Variants in CAGE1 observed in about 807,000 individuals in gnomAD.
The protein encoded by CAGE1 is cancer antigen 1, also known as cancer-associated gene 1 protein.
CAGE1 carries 66 observed loss-of-function variants against 94.9 expected under a neutral mutation model. The ratio of observed to expected loss-of-function variants is 0.70; its 90% CI spans 0.57 to 0.85. The LOEUF (loss-of-function observed/expected upper bound fraction) is 0.85. Ranked by LOEUF, CAGE1 falls within the 40% of genes least tolerant of loss-of-function variation. The pLI, the probability that CAGE1 is intolerant of heterozygous loss-of-function variation, is 0.00. For synonymous variants in CAGE1, 319 were observed against 321.0 expected (o/e 0.99, Z 0.07); for missense variants, 865 against 950.4 (o/e 0.91, Z 1.18).
At chr6:7,351,635 A>G (rs1177897551) in intron 11 of CAGE1, among the ~76,000 whole-genome samples, 1 of 151,958 alleles carries the variant, frequency 6.6e-6, no homozygotes, top group African/African-American at 2.4e-5. Flanking sequence ...CTCCTTAACA[A>G]AATACTAGCT....
chr6:7,328,473 T>C (rs1381626924), intron 13 of CAGE1, among the ~76,000 whole-genome samples: 1 of 151,966 alleles, frequency 6.6e-6, no homozygotes, highest in Non-Finnish European at 1.5e-5. Flanking sequence ...GGGAACTGAG[T>C]AACTGAGAGA....
intron 11 of CAGE1, among the ~76,000 whole-genome samples, chr6:7,350,094 G>A (rs577567729): frequency 4.8e-4 from 73 of 152,212 alleles, no homozygotes; most frequent in African/African-American, 1.6e-3. Flanking sequence ...CACCAAAAGC[G>A]AGCAGGGGTA....
At chr6:7,370,868 G>T (rs966293588) in intron 5 of CAGE1, among the ~76,000 whole-genome samples, 1 of 152,056 alleles carries the variant, frequency 6.6e-6, no homozygotes, top group Non-Finnish European at 1.5e-5. Context: ...AAATACTTTT[G>T]ACTTCACAGA....
intron 11 of CAGE1, among the ~76,000 whole-genome samples, chr6:7,346,692 G>GAA (rs66469922): frequency 4.0e-5 from 6 of 150,372 alleles, no homozygotes; most frequent in African/African-American, 1.5e-4. Context: ...ACTGAAAAAA[G>GAA]AAAAAAAAAT....
At chr6:7,367,725 A>G (rs1238441836) in intron 7 of CAGE1, among the ~76,000 whole-genome samples, 1 of 152,154 alleles carries the variant, frequency 6.6e-6, no homozygotes, top group Admixed American at 6.5e-5. Flanking sequence ...TCTTCAGGAT[A>G]CCCGCAACAC....
chr6:7,381,847 CTT>C (rs1218001192), intron 3 of CAGE1, among the ~76,000 whole-genome samples: 1 of 139,206 alleles, frequency 7.2e-6, no homozygotes, highest in Admixed American at 7.2e-5. Context: ...GTGCCTTTTT[CTT>C]TTTTTTTTTG....
At position 7,326,754 on chromosome 6, in the gene CAGE1, A is replaced by C; in HGVS notation, c.*104T>G. 2.4e-6 allele frequency: 2 copies of C among 828,526 alleles called. No individual in the cohort carries two copies. Among genetic ancestry groups the C allele is most frequent in the South Asian group, 2.9e-5 (2 of 69,786 alleles). The allele number at this position is 828,526 out of a possible 1,614,324, so 51.3% of individuals were successfully genotyped here. ...ATGTAAGACTTTACCCTTTATACAG[A>C]TTTTAATATATCATCTGCATGGATT... On this transcript the variant is annotated 3_prime_UTR_variant, in exon 14 of 14. Coordinates refer to ENST00000502583, the MANE Select transcript of CAGE1 (RefSeq NM_001170692.2).
chr6:7,334,725 CA>C (rs58790989), intron 11 of CAGE1, among the ~76,000 whole-genome samples: 1,035 of 67,856 alleles, frequency 0.015, 6 homozygotes, highest in Admixed American at 0.024. Context: ...GACTCTCTCT[CA>C]AAAAAAAAAA....
intron 2 of CAGE1, among the ~76,000 whole-genome samples, chr6:7,386,134 TA>T (rs1276368343): frequency 6.6e-6 from 1 of 152,218 alleles, no homozygotes; most frequent in Non-Finnish European, 1.5e-5. Context: ...CATGTGACTA[TA>T]AACTTAGGGA....
At position 7,389,737 on chromosome 6, in the gene CAGE1, A is replaced by C. The variant is rs1454590606; in HGVS notation, c.-559T>G. 5.3e-6 allele frequency: 3 copies of C among 566,418 alleles called. No homozygotes were observed. Among genetic ancestry groups the C allele is most frequent in the East Asian group, 3.0e-5 (1 of 33,758 alleles). The allele number at this position is 566,418 out of a possible 1,614,324, so 35.1% of individuals were successfully genotyped here. Reference sequence around the variant, plus strand: ...GCCCTATACAGCGCGCCATCCAGAGAGCTCCGGACTCCCAGCTCGGCGCAG... The same window carrying C: ...GCCCTATACAGCGCGCCATCCAGAGCGCTCCGGACTCCCAGCTCGGCGCAG... On this transcript the variant is annotated 5_prime_UTR_variant, in exon 1 of 14. Coordinates refer to ENST00000502583, the MANE Select transcript of CAGE1 (RefSeq NM_001170692.2).
chr6:7,360,991 T>C (rs1760145837), intron 9 of CAGE1, among the ~76,000 whole-genome samples: 1 of 151,954 alleles, frequency 6.6e-6, no homozygotes, highest in Non-Finnish European at 1.5e-5. Context: ...AACTAAACAT[T>C]AAGCCAGAAT....
In CAGE1 at chr6:7,389,270, A is replaced by G; in HGVS notation, c.-92T>C. ...GAGACACCAAACTTTTTAAGACACA[A>G]AAGTGTGCTCACTTCCAGGATCCAT... On this transcript the variant is annotated 5_prime_UTR_variant, in exon 1 of 14. Coordinates refer to ENST00000502583, the MANE Select transcript of CAGE1 (RefSeq NM_001170692.2). The G allele has an allele frequency of 4.4e-6, 2 of 456,264 alleles. No individual in the cohort carries two copies. Among genetic ancestry groups the G allele is most frequent in the Admixed American group, 2.3e-5 (1 of 42,584 alleles). 28.3% of individuals were successfully genotyped at this position (456,264 alleles called of 1,614,324 possible). A position where few individuals can be genotyped will look rare whatever the true frequency, so the allele number is the denominator to read the frequency against.
chr6:7,329,870 AT>A lies in CAGE1; in HGVS notation c.2456del (p.Asn819IlefsTer6). 1 of 1,461,834 alleles carries A rather than the reference AT, an allele frequency of 6.8e-7. No individual in the cohort carries two copies. The highest frequency in any genetic ancestry group is 9.5e-7 in the Non-Finnish European group (1 of 1,053,934). 90.6% of individuals were successfully genotyped at this position (1,461,834 alleles called of 1,614,324 possible). ...ARKPRSKSLE[N>X]HPKSMTMMPA... Reference sequence around the variant, plus strand: ...CTACCATGGTCATGGACTTCGGATGATTTTCTAAGCTTTTTGATCTGTAAGA... The same window carrying A: ...CTACCATGGTCATGGACTTCGGATGATTTCTAAGCTTTTTGATCTGTAAGA... On this transcript the variant is annotated frameshift_variant, in exon 13 of 14. Coordinates refer to ENST00000502583, the MANE Select transcript of CAGE1 (RefSeq NM_001170692.2). LOFTEE classifies it high-confidence loss of function.
chr6:7,336,634 C>T (rs138110890), intron 11 of CAGE1, among the ~76,000 whole-genome samples: 6 of 152,212 alleles, frequency 3.9e-5, no homozygotes, highest in East Asian at 1.9e-4. Flanking sequence ...CTCAGCTTCC[C>T]GAATAGCTGG....
chr6:7,368,505 A>G (rs529917934), intron 7 of CAGE1, among the ~76,000 whole-genome samples, 183 bp downstream of exon 7: 2 of 152,138 alleles, frequency 1.3e-5, no homozygotes, highest in Non-Finnish European at 2.9e-5. Flanking sequence ...CATACAGACA[A>G]ACAATAAAAC....
chr6:7,344,475 C>CA (rs755962727), intron 11 of CAGE1, among the ~76,000 whole-genome samples: 16 of 152,256 alleles, frequency 1.1e-4, no homozygotes, highest in Non-Finnish European at 2.2e-4. Context: ...TCGGGACCTA[C>CA]AGCCCGCCAT....
Position 7,378,851 on chromosome 6 carries a change from T to G in CAGE1, c.453A>C (p.Ala151=), listed in dbSNP as rs1255237754. The G allele has an allele frequency of 6.2e-7, 1 of 1,612,630 alleles. No homozygotes were observed. The highest frequency in any genetic ancestry group is 8.5e-7 in the Non-Finnish European group (1 of 1,179,120). ...AGTCTTGCTTTATATTGTTGTCTTTTGCATAATTATACACTTGACTTTGAA... is the reference window on the plus strand; with the variant it reads ...AGTCTTGCTTTATATTGTTGTCTTTGGCATAATTATACACTTGACTTTGAA... ...PEFQSQVYNY[A]KDNNIKQDSF... The change falls in exon 4 of 14, where the codon GCA becomes GCC. Residue 151 remains alanine, a synonymous_variant. Coordinates refer to ENST00000502583, the MANE Select transcript of CAGE1 (RefSeq NM_001170692.2).
chr6:7,344,006 A>G (rs1289050952), intron 11 of CAGE1, among the ~76,000 whole-genome samples: 1 of 152,242 alleles, frequency 6.6e-6, no homozygotes, highest in Non-Finnish European at 1.5e-5. Context: ...TCTGAAACAG[A>G]CAGATCTGGA....
chr6:7,361,113 T>C (rs1191426490), intron 9 of CAGE1, among the ~76,000 whole-genome samples: 4 of 152,096 alleles, frequency 2.6e-5, no homozygotes, highest in Admixed American at 1.3e-4. Context: ...GGAAATCTGG[T>C]CAGTTACATA....
Sources: allele counts gnomAD v4.1 joint callset (sites outside exome capture counted in the v4.1 genomes callset), GRCh38; gene constraint gnomAD v4.1.1; transcripts MANE v1.5; gene names NCBI Gene and HGNC (gene_info 2026-07-23, HGNC 2026-07-21).